Variants in CARMIL1 observed in about 807,000 individuals in gnomAD.
CARMIL1 encodes the protein F-actin-uncapping protein LRRC16A.
In CARMIL1, 90 loss-of-function variants were observed where a neutral mutation model predicts 177.1. That is an observed-to-expected ratio of 0.51 (90% CI 0.43 to 0.61). CARMIL1 has a LOEUF of 0.61. CARMIL1 is among the 20% of genes least tolerant of loss of function. The pLI is 0.00. For synonymous variants in CARMIL1, 577 were observed against 606.2 expected (o/e 0.95, Z 0.71); for missense variants, 1,380 against 1,667.0 (o/e 0.83, Z 3.00).
chr6:25,427,065 A>G (rs994326363), intron 4 of CARMIL1, among the ~76,000 whole-genome samples: 2 of 152,100 alleles, frequency 1.3e-5, no homozygotes, highest in African/African-American at 4.8e-5. Flanking sequence ...GCAGGTATCT[A>G]CTTTTGGTTG....
Position 25,434,810 on chromosome 6 carries a change from A to G in CARMIL1, c.250-673A>G, listed in dbSNP as rs539390151. 2.4e-4 allele frequency among the ~76,000 whole-genome samples: 37 copies of G among 152,248 alleles called. No individual in the cohort carries two copies. The East Asian group carries it at 7.1e-3, about 29-fold the overall frequency. On this transcript the variant is annotated intron_variant, in intron 4 of 36. Coordinates refer to ENST00000329474, the MANE Select transcript of CARMIL1 (RefSeq NM_017640.6). ...TGTGATCCGCCTGCCTTGGCCTCCC[A>G]AAGTGCTGGGATTACAGGCATGAGC...
At chr6:25,466,687 A>AT (rs1800626395) in intron 9 of CARMIL1, among the ~76,000 whole-genome samples, 1 of 152,172 alleles carries the variant, frequency 6.6e-6, no homozygotes, top group African/African-American at 2.4e-5. Flanking sequence ...CATAGTGAAT[A>AT]CATCAGACTT....
chr6:25,452,211 C>G (rs1249354653), intron 8 of CARMIL1: 1 of 764,442 alleles, frequency 1.3e-6, no homozygotes, highest in Non-Finnish European at 2.4e-6. Flanking sequence ...CCTAAAGCCT[C>G]CAGTTCTCAG....
At chr6:25,287,880 TTTGA>T (rs1393541383) in intron 2 of CARMIL1, among the ~76,000 whole-genome samples, 2 of 152,212 alleles carry the variant, frequency 1.3e-5, no homozygotes, top group Non-Finnish European at 2.9e-5. Context: ...TCTCTCTGTC[TTTGA>T]TTGATTGATT....
At chr6:25,519,033 T>C (rs1402464714) in intron 22 of CARMIL1, among the ~76,000 whole-genome samples, 1 of 152,258 alleles carries the variant, frequency 6.6e-6, no homozygotes, top group Admixed American at 6.5e-5. Context: ...TACATGAAGC[T>C]ACTCTATAAG....
intron 20 of CARMIL1, among the ~76,000 whole-genome samples, chr6:25,514,244 T>C (rs1045344236): frequency 4.6e-5 from 7 of 152,038 alleles, no homozygotes; most frequent in Non-Finnish European, 8.8e-5. Flanking sequence ...CAGCTTATGG[T>C]CAAATAAAAA....
chr6:25,517,320 C>A lies in CARMIL1; in HGVS notation c.1806-27C>A, dbSNP rs768797219. ...GAATCATTTTCTTTAAGTGTCTGAT[C>A]ATTTATGTGATTTGATTTTCAAACA... On this transcript the variant is annotated intron_variant, in intron 21 of 36. Coordinates refer to ENST00000329474, the MANE Select transcript of CARMIL1 (RefSeq NM_017640.6). The A allele has an allele frequency of 5.7e-6, 9 of 1,569,226 alleles. No homozygotes were observed. The South Asian group carries it at 8.9e-5, about 16-fold the overall frequency.
At position 25,358,992 on chromosome 6, in the gene CARMIL1, T is replaced by G. The variant is rs368193583; in HGVS notation, c.139-61122T>G. ...ATTTAGCTTAGTTTTAGAAGCTAAATATGAAGTATCATCATTCTATGTACA... is the reference window on the plus strand; with the variant it reads ...ATTTAGCTTAGTTTTAGAAGCTAAAGATGAAGTATCATCATTCTATGTACA... On this transcript the variant is annotated intron_variant, in intron 2 of 36. Transcript: ENST00000329474. Among the ~76,000 whole-genome samples the G allele has an allele frequency of 5.9e-5, 9 of 152,348 alleles. No homozygotes were observed. The South Asian group carries it at 1.7e-3, about 28-fold the overall frequency.
intron 16 of CARMIL1, among the ~76,000 whole-genome samples, chr6:25,498,701 A>G (rs1803986815): frequency 6.6e-6 from 1 of 152,184 alleles, no homozygotes; most frequent in Non-Finnish European, 1.5e-5. Context: ...AGAACTTGAG[A>G]CACACACGAA....
intron 24 of CARMIL1, 129 bp downstream of exon 24, chr6:25,529,022 T>A: frequency 1.5e-6 from 1 of 685,718 alleles, no homozygotes; most frequent in Non-Finnish European, 2.4e-6. Context: ...ACAACAAATC[T>A]AAGTAGAGTT....
intron 2 of CARMIL1, among the ~76,000 whole-genome samples, chr6:25,334,737 G>A (rs1041272453): frequency 1.3e-5 from 2 of 152,130 alleles, no homozygotes; most frequent in East Asian, 3.9e-4. Flanking sequence ...ACCTTTAACA[G>A]CACCCTTCTG....
At chr6:25,398,894 T>C in intron 2 of CARMIL1, among the ~76,000 whole-genome samples, 1 of 152,206 alleles carries the variant, frequency 6.6e-6, no homozygotes, top group Non-Finnish European at 1.5e-5. Context: ...CTAACTCTTA[T>C]CAATGTTGTT....
intron 8 of CARMIL1, among the ~76,000 whole-genome samples, chr6:25,461,782 A>G (rs141726293): frequency 6.6e-6 from 1 of 152,138 alleles, no homozygotes; most frequent in African/African-American, 2.4e-5. Flanking sequence ...ATCATTTTGC[A>G]TCCTCATTGG....
chr6:25,442,951 T>C (rs1310920945), intron 5 of CARMIL1, among the ~76,000 whole-genome samples: 2 of 152,224 alleles, frequency 1.3e-5, no homozygotes, highest in Admixed American at 6.5e-5. Context: ...TATTTCTTTC[T>C]GTAGTTGTAG....
At chr6:25,455,679 C>T (rs55728285) in intron 8 of CARMIL1, among the ~76,000 whole-genome samples, 9,008 of 152,262 alleles carry the variant, frequency 0.059, 313 homozygotes, top group South Asian at 0.1. Flanking sequence ...GATTCTTACA[C>T]GGTTCCATTT....
At position 25,435,578 on chromosome 6, in the gene CARMIL1, G is replaced by T; in HGVS notation, c.345G>T (p.Arg115Ser). 1 of 1,572,278 alleles carries T rather than the reference G, an allele frequency of 6.4e-7. No individual in the cohort carries two copies. The highest frequency in any genetic ancestry group is 1.8e-5 in the Admixed American group (1 of 54,440). The change falls in exon 5 of 37, where the codon AGG becomes AGT. Residue 115 changes from arginine (R) to serine (S), a missense_variant. Coordinates refer to ENST00000329474, the MANE Select transcript of CARMIL1 (RefSeq NM_017640.6). ...TGGCTCACATAGGCACCTGCCTGAG[G>T]AAGATATTTCCTGGCCTCTCTCCAG... The part of the protein sequence containing the change: ...EVLAHIGTCL[R>S]KIFPGLSPVR...
Position 25,513,701 on chromosome 6 carries a change from C to A in CARMIL1, c.1633-1974C>A, listed in dbSNP as rs527515152. 2.6e-5 allele frequency among the ~76,000 whole-genome samples: 4 copies of A among 152,208 alleles called. No individual in the cohort carries two copies. In the South Asian group the frequency reaches 8.3e-4, roughly 32 times the overall value. On this transcript the variant is annotated intron_variant, in intron 20 of 36. Coordinates refer to ENST00000329474, the MANE Select transcript of CARMIL1 (RefSeq NM_017640.6). ...AGTGTTTGAGTAGACACAGACAAAC[C>A]CCAGGCTGTGTGTGGGGGCTGTCGT...
chr6:25,440,566 C>T (rs527670053), intron 5 of CARMIL1, among the ~76,000 whole-genome samples: 24 of 152,232 alleles, frequency 1.6e-4, no homozygotes, highest in South Asian at 1.2e-3. Flanking sequence ...GGAGGGGAAA[C>T]GTACAATTTT....
At chr6:25,606,495 C>CT (rs1379421726) in intron 35 of CARMIL1, among the ~76,000 whole-genome samples, 3 of 152,192 alleles carry the variant, frequency 2.0e-5, no homozygotes, top group African/African-American at 7.2e-5. Flanking sequence ...GTTGGGGACT[C>CT]TGAGACTGTC....
Sources: allele counts gnomAD v4.1 joint callset (sites outside exome capture counted in the v4.1 genomes callset), GRCh38; gene constraint gnomAD v4.1.1; transcripts MANE v1.5; gene names NCBI Gene and HGNC (gene_info 2026-07-23, HGNC 2026-07-21).